MAGI1: variants seen among roughly 807,000 people sequenced by gnomAD.
MAGI1 encodes membrane-associated guanylate kinase, WW and PDZ domain-containing protein 1.
Under a neutral mutation model 139.9 loss-of-function variants are expected in MAGI1, and 58 were observed. That is an observed-to-expected ratio of 0.41 (90% CI 0.34 to 0.52). The LOEUF (loss-of-function observed/expected upper bound fraction) is 0.52. Ranked by LOEUF, MAGI1 falls within the 20% of genes least tolerant of loss-of-function variation. The probability of loss-of-function intolerance (pLI) is 0.12; values close to 1 mark genes in which losing one functional copy is unlikely to be tolerated. For synonymous variants in MAGI1, 812 were observed against 737.9 expected (o/e 1.10, Z -1.63); for missense variants, 1,874 against 1,901.6 (o/e 0.99, Z 0.27).
chr3:65,465,057 G>A (rs752661314), intron 5 of MAGI1, among the ~76,000 whole-genome samples: 7 of 148,338 alleles, frequency 4.7e-5, no homozygotes, highest in Non-Finnish European at 8.9e-5. Context: ...TCATTTTACC[G>A]CTTTGACTGA....
intron 2 of MAGI1, chr3:65,498,872 T>A: frequency 3.4e-6 from 1 of 296,476 alleles, no homozygotes; most frequent in African/African-American, 2.3e-5. Flanking sequence ...TAAGTTTGAA[T>A]AGCCACATGT....
In MAGI1 at chr3:66,038,110, C is replaced by T. The variant is rs1317365801; in HGVS notation, c.199G>A (p.Gly67Arg). 1.2e-6 allele frequency: 2 copies of T among 1,612,802 alleles called. No homozygotes were observed. The highest frequency in any genetic ancestry group is 1.7e-6 in the Non-Finnish European group (2 of 1,179,730). Residue 67 changes from glycine (G) to arginine (R), a missense_variant, in exon 1 of 23, where the codon GGG (glycine) becomes AGG (arginine). Around this residue, in one of 5 missense-constraint regions of MAGI1, gnomAD observed 648 missense variants for 598.1 expected, o/e 1.08. Coordinates refer to ENST00000402939, the MANE Select transcript of MAGI1 (RefSeq NM_001033057.2). ...CCCTGCACCTCCAGAAGCAGCTCCCCTTCGCCCAGCCTCGGGCCCTCGCCG... is the reference window on the plus strand; with the variant it reads ...CCCTGCACCTCCAGAAGCAGCTCCCTTTCGCCCAGCCTCGGGCCCTCGCCG... Reference protein sequence around the residue: ...GGGEGPRLGEGELLLEVQGVR... With the variant: ...GGGEGPRLGERELLLEVQGVR...
At chr3:65,416,599 G>C (rs1331885744) in intron 12 of MAGI1, among the ~76,000 whole-genome samples, 1 of 152,178 alleles carries the variant, frequency 6.6e-6, no homozygotes, top group African/African-American at 2.4e-5. Context: ...ATGAATGAAT[G>C]AATGAATGAC....
chr3:65,814,663 T>C (rs2041490234), intron 1 of MAGI1, among the ~76,000 whole-genome samples: 1 of 152,194 alleles, frequency 6.6e-6, no homozygotes, highest in African/African-American at 2.4e-5. Flanking sequence ...GCAGACTATC[T>C]TTCCCTCAAA....
At chr3:65,472,249 T>C (rs1196760981) in intron 4 of MAGI1, among the ~76,000 whole-genome samples, 1 of 152,142 alleles carries the variant, frequency 6.6e-6, no homozygotes, top group Non-Finnish European at 1.5e-5. Flanking sequence ...TTTAATTCTC[T>C]AGAAGCCAAC....
intron 13 of MAGI1, among the ~76,000 whole-genome samples, chr3:65,394,138 A>G (rs1020697266): frequency 6.6e-6 from 1 of 152,190 alleles, no homozygotes; most frequent in Non-Finnish European, 1.5e-5. Flanking sequence ...CCTGACATGG[A>G]AGAACCTAGA....
intron 18 of MAGI1, among the ~76,000 whole-genome samples, chr3:65,366,230 C>CT (rs1941404152): frequency 6.6e-6 from 1 of 152,178 alleles, no homozygotes; most frequent in African/African-American, 2.4e-5. Flanking sequence ...ACAGCTACTA[C>CT]TTTTTATTAC....
At chr3:65,450,381 T>C (rs1948957864) in intron 6 of MAGI1, among the ~76,000 whole-genome samples, 4 of 152,054 alleles carry the variant, frequency 2.6e-5, no homozygotes, top group African/African-American at 4.8e-5. Flanking sequence ...GTGAAAAAAA[T>C]AGTGAATGGA....
At chr3:65,591,379 G>A (rs73835603) in intron 2 of MAGI1, among the ~76,000 whole-genome samples, 3,019 of 152,154 alleles carry the variant, frequency 0.02, 98 homozygotes, top group African/African-American at 0.069. Flanking sequence ...CATCCATCAG[G>A]CATGAGTCTA....
intron 1 of MAGI1, among the ~76,000 whole-genome samples, chr3:65,705,919 A>G (rs1305448225): frequency 6.6e-6 from 1 of 152,220 alleles, no homozygotes; most frequent in African/African-American, 2.4e-5. Flanking sequence ...GTGAAGATAT[A>G]TTTCCTTATC....
chr3:65,861,627 G>C (rs34330806), intron 1 of MAGI1, among the ~76,000 whole-genome samples: 2,929 of 152,186 alleles, frequency 0.019, 44 homozygotes, highest in Non-Finnish European at 0.03. Context: ...ATCCATCTCT[G>C]TCCAAGGAGG....
At chr3:65,364,775 G>C (rs770719182) in intron 19 of MAGI1, 50 bp from the exon 20 acceptor site, 3 of 1,607,788 alleles carry the variant, frequency 1.9e-6, no homozygotes, top group Non-Finnish European at 2.6e-6. Flanking sequence ...AGCAAACTGA[G>C]AAAGAATCAA....
At chr3:65,517,181 A>G (rs943976688) in intron 2 of MAGI1, among the ~76,000 whole-genome samples, 2 of 152,144 alleles carry the variant, frequency 1.3e-5, no homozygotes, top group African/African-American at 4.8e-5. Context: ...AGAAAGAATC[A>G]TGCCTCAGGG....
chr3:65,866,080 AATT>A (rs1417097658), intron 1 of MAGI1, among the ~76,000 whole-genome samples: 2 of 152,134 alleles, frequency 1.3e-5, no homozygotes, highest in African/African-American at 2.4e-5. Flanking sequence ...TATAATTTAC[AATT>A]ATTAAGTAAA....
intron 1 of MAGI1, among the ~76,000 whole-genome samples, chr3:65,674,072 C>T (rs376305314): frequency 7.2e-5 from 11 of 152,132 alleles, no homozygotes; most frequent in African/African-American, 2.4e-4. Flanking sequence ...GACTCCATCT[C>T]AAAAAATACT....
chr3:65,991,017 G>A lies in MAGI1; in HGVS notation c.313+46979C>T, dbSNP rs888012801. Among the ~76,000 whole-genome samples, 6 of 151,838 alleles carry A rather than the reference G, an allele frequency of 4.0e-5. 2 individuals are homozygous for A. Among genetic ancestry groups the A allele is most frequent in the Admixed American group, 3.9e-4 (6 of 15,236 alleles). ...AATAAAAGTAAATGAGGCTGGGCAC[G>A]GTGGCTCACACCTGTAATCCCAGCA... On this transcript the variant is annotated intron_variant, in intron 1 of 22. Transcript: ENST00000402939.
chr3:66,013,152 C>T (rs188632935), intron 1 of MAGI1, among the ~76,000 whole-genome samples: 4 of 152,188 alleles, frequency 2.6e-5, no homozygotes, highest in African/African-American at 9.6e-5. Context: ...GCCTGCAATC[C>T]CAGCACTTTG....
intron 2 of MAGI1, among the ~76,000 whole-genome samples, chr3:65,561,148 T>G (rs1036418500): frequency 3.3e-5 from 5 of 152,182 alleles, no homozygotes; most frequent in African/African-American, 1.2e-4. Flanking sequence ...CTTTTATAGA[T>G]CTTCAAACAC....
chr3:65,536,195 G>A (rs1366692045), intron 2 of MAGI1, among the ~76,000 whole-genome samples: 1 of 152,072 alleles, frequency 6.6e-6, no homozygotes, highest in African/African-American at 2.4e-5. Flanking sequence ...GTATATTTTT[G>A]TTGTTTTTCT....
Sources: allele counts gnomAD v4.1 joint callset (sites outside exome capture counted in the v4.1 genomes callset), GRCh38; gene constraint gnomAD v4.1.1; regional missense constraint gnomAD v4.1.1; transcripts MANE v1.5; gene names NCBI Gene and HGNC (gene_info 2026-07-23, HGNC 2026-07-21).